SHANK1: variants seen among roughly 807,000 people sequenced by gnomAD.
The protein encoded by SHANK1 is SH3 and multiple ankyrin repeat domains protein 1.
In SHANK1, 35 loss-of-function variants were observed where a neutral mutation model predicts 165.6. The observed-to-expected ratio is 0.21, with a 90% confidence interval of 0.16 to 0.28. The LOEUF (loss-of-function observed/expected upper bound fraction) is 0.28. Ranked by LOEUF, SHANK1 falls within the 10% of genes least tolerant of loss-of-function variation. SHANK1 has a pLI of 1.00. For synonymous variants in SHANK1, 1,428 were observed against 1,384.8 expected, an observed-to-expected ratio of 1.03 and a Z score of -0.69; for missense variants, 2,681 against 3,036.4, an observed-to-expected ratio of 0.88 and a Z score of 2.75.
intron 8 of SHANK1, among the ~76,000 whole-genome samples, chr19:50,707,857 C>T (rs770329882): frequency 1.3e-5 from 2 of 150,570 alleles, no homozygotes; most frequent in East Asian, 2.0e-4. Flanking sequence ...TTAACTCCTG[C>T]CATGTGTACT....
At position 50,718,170 on chromosome 19, in the gene SHANK1, G is replaced by A. The variant is rs1379308925; in HGVS notation, c.-43-1208C>T. Among the ~76,000 whole-genome samples, 1 of 152,156 alleles carries A rather than the reference G, an allele frequency of 6.6e-6. No homozygotes were observed. Among genetic ancestry groups the A allele is most frequent in the African/African-American group, 2.4e-5 (1 of 41,428 alleles). ...GAAGACTAAATGTGTGTGGTGGGAG[G>A]AGAGTTCCAGGAGGTGTGGGCGAGC... On this transcript the variant is annotated intron_variant, in intron 1 of 23. Coordinates refer to ENST00000293441, the MANE Select transcript of SHANK1 (RefSeq NM_016148.5). This position sits in a 1 kb window ranked among gnomAD's most constrained non-coding sequence, Gnocchi z 5.1.
At chr19:50,706,915 T>A (rs1312067045) in intron 8 of SHANK1, among the ~76,000 whole-genome samples, 1 of 152,068 alleles carries the variant, frequency 6.6e-6, no homozygotes, top group Non-Finnish European at 1.5e-5. Context: ...GTAGCTGAGA[T>A]TACAGGCACC....
chr19:50,667,745 C>A lies in SHANK1; in HGVS notation c.4215G>T (p.Leu1405=). 4 of 1,325,282 alleles carry A rather than the reference C, an allele frequency of 3.0e-6. No individual in the cohort carries two copies. The South Asian group carries it at 6.3e-5, about 21-fold the overall frequency. 82.1% of individuals were successfully genotyped at this position (1,325,282 alleles called of 1,614,324 possible). A position where few individuals can be genotyped will look rare whatever the true frequency, so the allele number is the denominator to read the frequency against. ...HSPHAHHEPV[L]RLWGASPPDP... is the part of the protein sequence containing the mutation. Reference sequence around the variant, plus strand: ...CCGGCGGGGAGGCCCCCCAGAGACGCAGCACTGGCTCGTGGTGGGCGTGGG... The same window carrying A: ...CCGGCGGGGAGGCCCCCCAGAGACGAAGCACTGGCTCGTGGTGGGCGTGGG... The change falls in exon 23 of 24, where the codon CTG becomes CTT. Residue 1405 remains leucine, a synonymous_variant. Coordinates refer to ENST00000293441, the MANE Select transcript of SHANK1 (RefSeq NM_016148.5). The surrounding 1 kb of genome is among the most constrained non-coding windows in gnomAD (Gnocchi z 5.7).
rs760104389 is a variant in SHANK1, at chr19:50,666,761, G to A, written c.5199C>T (p.Asp1733=). 1.2e-5 allele frequency: 18 copies of A among 1,556,274 alleles called. No homozygotes were observed. Among genetic ancestry groups the A allele is most frequent in the Non-Finnish European group, 1.5e-5 (17 of 1,151,350 alleles). Residue 1733 remains aspartate, a synonymous_variant, in exon 23 of 24, where the codon GAC becomes GAT. Transcript: ENST00000293441. ...TACTGCTGCCCCCAAAGGCCTGGCCGTCCAGGTAGGCCACATAGGTGTCCA... is the reference window on the plus strand; with the variant it reads ...TACTGCTGCCCCCAAAGGCCTGGCCATCCAGGTAGGCCACATAGGTGTCCA... ...ELLDTYVAYL[D]GQAFGGSSTP...
chr19:50,689,324 A>G (rs757567882), intron 15 of SHANK1, 45 bp from the exon 16 acceptor site: 1 of 1,383,712 alleles, frequency 7.2e-7, no homozygotes, highest in African/African-American at 1.4e-5. Flanking sequence ...GGGGGAGTGG[A>G]GAAGACATCA....
chr19:50,662,298 G>T lies in SHANK1; in HGVS notation c.6153C>A (p.Ala2051=), dbSNP rs1448224915. ...CCGGGTGTGGCGGCACAAAGACTGG[G>T]GCGAAGGGGTCAGCCGAGCCTCCTG... ...GGAGGSADPF[A]PVFVPPHPGI... is the part of the protein sequence containing the mutation. The change falls in exon 24 of 24, where the codon GCC becomes GCA. Residue 2051 remains alanine (A), a synonymous_variant. Transcript: ENST00000293441. This position sits in a 1 kb window ranked among gnomAD's most constrained non-coding sequence, Gnocchi z 7.7. 1 of 1,611,344 alleles carries T rather than the reference G, an allele frequency of 6.2e-7. No homozygotes were observed. Among genetic ancestry groups the T allele is most frequent in the Non-Finnish European group, 8.5e-7 (1 of 1,178,430 alleles).
In SHANK1 at chr19:50,688,772, C is replaced by G. The variant is rs900461009; in HGVS notation, c.2172+72G>C. 12 of 1,508,108 alleles carry G rather than the reference C, an allele frequency of 8.0e-6. No homozygotes were observed. The highest frequency in any genetic ancestry group is 6.9e-5 in the African/African-American group (5 of 72,526). The allele number at this position is 1,508,108 out of a possible 1,614,324, so 93.4% of individuals were successfully genotyped here. A position where few individuals can be genotyped will look rare whatever the true frequency, so the allele number is the denominator to read the frequency against. On this transcript the variant is annotated intron_variant, in intron 17 of 23. Coordinates refer to ENST00000293441, the MANE Select transcript of SHANK1 (RefSeq NM_016148.5). The surrounding 1 kb of genome is among the most constrained non-coding windows in gnomAD (Gnocchi z 6.7). ...GGAGAATAAAACTGGGCAGCCAGATCCTGGTGTGAATCATGAGGGGGTCTG... is the reference window on the plus strand; with the variant it reads ...GGAGAATAAAACTGGGCAGCCAGATGCTGGTGTGAATCATGAGGGGGTCTG...
intron 21 of SHANK1, among the ~76,000 whole-genome samples, chr19:50,679,516 TCGCTCCCG>T (rs1482560152): frequency 6.6e-6 from 1 of 152,070 alleles, no homozygotes; most frequent in Non-Finnish European, 1.5e-5. Context: ...ACGGGAGCAT[TCGCTCCCG>T]CGCAGAAGGG....
At chr19:50,691,648 G>A (rs1986542551) in intron 15 of SHANK1, among the ~76,000 whole-genome samples, 1 of 152,112 alleles carries the variant, frequency 6.6e-6, no homozygotes, top group Non-Finnish European at 1.5e-5. Flanking sequence ...TCTGGGGCAG[G>A]GATAAGTACC....
chr19:50,668,497 T>C lies in SHANK1; in HGVS notation c.3463A>G (p.Ile1155Val). ...AAPSEKNSIP[I>V]PTIIIKAPST... is the part of the protein sequence containing the mutation. ...GGGGCCTTGATGATGATGGTGGGGA[T>C]GGGGATGGAGTTCTTCTCCGAGGGC... Residue 1155 changes from isoleucine (I) to valine (V), a missense_variant, in exon 23 of 24, where the codon ATC becomes GTC. Coordinates refer to ENST00000293441, the MANE Select transcript of SHANK1 (RefSeq NM_016148.5). 2 of 1,341,150 alleles carry C rather than the reference T, an allele frequency of 1.5e-6. No homozygotes were observed. The highest frequency in any genetic ancestry group is 2.9e-5 in the East Asian group (1 of 34,600). 83.1% of individuals were successfully genotyped at this position (1,341,150 alleles called of 1,614,324 possible).
In SHANK1 at chr19:50,716,823, G is replaced by A. The variant is rs1192965719; in HGVS notation, c.97C>T (p.Pro33Ser). Residue 33 changes from proline to serine, a missense_variant, in exon 2 of 24, where the codon CCA becomes TCA. Around this residue, in one of 10 missense-constraint regions of SHANK1, gnomAD observed 118 missense variants for 106.9 expected, o/e 1.10. Transcript: ENST00000293441. The surrounding 1 kb of genome is among the most constrained non-coding windows in gnomAD (Gnocchi z 8.4). ...GSESDSSPDG[P>S]GRGPRGTRGQ... is the part of the protein sequence containing the mutation. Reference sequence around the variant, plus strand: ...CGGGTCCCCCGGGGGCCTCGACCTGGCCCGTCTGGGGAGCTGTCGGACTCT... The same window carrying A: ...CGGGTCCCCCGGGGGCCTCGACCTGACCCGTCTGGGGAGCTGTCGGACTCT... 1 of 1,574,430 alleles carries A rather than the reference G, an allele frequency of 6.4e-7. No homozygotes were observed. Among genetic ancestry groups the A allele is most frequent in the East Asian group, 2.3e-5 (1 of 44,374 alleles).
In SHANK1 at chr19:50,668,713, G is replaced by C; in HGVS notation, c.3247C>G (p.Arg1083Gly). Residue 1083 changes from arginine to glycine, a missense_variant, in exon 23 of 24, where the codon CGC (arginine) becomes GGC (glycine). By Grantham distance (125) the Arg-to-Gly change is moderately radical. Transcript: ENST00000293441. ...GGGSSQGPALRYFQLPPRAAS... is the reference protein window; with the variant it reads ...GGGSSQGPALGYFQLPPRAAS... ...GCCCGCGGGGGCAGCTGGAAATAGC[G>C]TAGAGCCGGGCCCTGGGAGGAGCCG... 6.2e-6 allele frequency: 8 copies of C among 1,291,024 alleles called. No homozygotes were observed. In the South Asian group the frequency reaches 1.3e-4, roughly 21 times the overall value. 80.0% of individuals were successfully genotyped at this position (1,291,024 alleles called of 1,614,324 possible). A position where few individuals can be genotyped will look rare whatever the true frequency, so the allele number is the denominator to read the frequency against.
chr19:50,664,828 C>G (rs988393254), intron 23 of SHANK1, among the ~76,000 whole-genome samples: 1 of 152,174 alleles, frequency 6.6e-6, no homozygotes, highest in Non-Finnish European at 1.5e-5. Context: ...AATCTTGGCT[C>G]ACTGCAACCT....
Position 50,703,564 on chromosome 19 carries a change from C to T in SHANK1, c.1489G>A (p.Ala497Thr). The T allele has an allele frequency of 6.4e-7, 1 of 1,554,444 alleles. No homozygotes were observed. The highest frequency in any genetic ancestry group is 1.9e-5 in the Admixed American group (1 of 52,814). ...TGCCTCCCTCGGGATGGAGAGCGGG[C>T]CCTGGCACCCCGGGGGCTGCTGGCA... is the stretch of plus-strand genomic sequence containing the variant. Reference protein sequence around the residue: ...RSASSPRGARARSPSRGRHPE... With the variant: ...RSASSPRGARTRSPSRGRHPE... Residue 497 changes from alanine to threonine, a missense_variant, in exon 11 of 24, where the codon GCC becomes ACC. Around this residue, in one of 10 missense-constraint regions of SHANK1, gnomAD observed 195 missense variants for 186.2 expected, o/e 1.05. Transcript: ENST00000293441.
Position 50,718,344 on chromosome 19 carries a change from C to CTT in SHANK1, c.-44+1061_-44+1062insAA, listed in dbSNP as rs1235599728. Among the ~76,000 whole-genome samples the CTT allele has an allele frequency of 7.9e-5, 12 of 152,152 alleles. No individual in the cohort carries two copies. Among genetic ancestry groups the CTT allele is most frequent in the Non-Finnish European group, 1.2e-4 (8 of 68,004 alleles). On this transcript the variant is annotated intron_variant, in intron 1 of 23. Coordinates refer to ENST00000293441, the MANE Select transcript of SHANK1 (RefSeq NM_016148.5). This position sits in a 1 kb window ranked among gnomAD's most constrained non-coding sequence, Gnocchi z 5.1. ...CTCCCTGCCCCGCCGCACAGCCCAC[C>CTT]TCGCGATCTGGGGCCCGCAGACACT...
intron 15 of SHANK1, among the ~76,000 whole-genome samples, chr19:50,695,250 G>GGGGGGCGC (rs1426425333): frequency 1.3e-4 from 19 of 145,644 alleles, no homozygotes; most frequent in Admixed American, 1.0e-3. Context: ...CTCACATGCC[G>GGGGGGCGC]GGGGGCGCGG....
Position 50,666,816 on chromosome 19 carries a change from C to T in SHANK1, c.5144G>A (p.Gly1715Glu). Reference protein sequence around the residue: ...GGSAGGGGGAGAGVASGPELL... With the variant: ...GGSAGGGGGAEAGVASGPELL... ...CTCCGGCCCACTGGCCACACCGGCC[C>T]CAGCCCCGCCCCCACCCCCTGCGCT... Residue 1715 changes from glycine to glutamate, a missense_variant, in exon 23 of 24, where the codon GGG becomes GAG. Around this residue, in one of 10 missense-constraint regions of SHANK1, gnomAD observed 1,713 missense variants for 1,630.2 expected, o/e 1.05. Coordinates refer to ENST00000293441, the MANE Select transcript of SHANK1 (RefSeq NM_016148.5). 6.5e-7 allele frequency: 1 copy of T among 1,549,448 alleles called. No individual in the cohort carries two copies. Among genetic ancestry groups the T allele is most frequent in the South Asian group, 1.2e-5 (1 of 84,070 alleles).
intron 8 of SHANK1, among the ~76,000 whole-genome samples, chr19:50,710,555 C>A (rs2088995213): frequency 6.6e-6 from 1 of 152,214 alleles, no homozygotes; most frequent in South Asian, 2.1e-4. Flanking sequence ...GAGGTCATGA[C>A]ATTGAAAGAC....
intron 11 of SHANK1, among the ~76,000 whole-genome samples, chr19:50,703,138 C>A (rs1170001290): frequency 6.6e-6 from 1 of 151,998 alleles, no homozygotes; most frequent in Non-Finnish European, 1.5e-5. Context: ...CTCATCCTCC[C>A]TCCAGAGTGA....
Sources: allele counts gnomAD v4.1 joint callset (sites outside exome capture counted in the v4.1 genomes callset), GRCh38; gene constraint gnomAD v4.1.1; regional missense constraint gnomAD v4.1.1; non-coding constraint Gnocchi (gnomAD v3.1); transcripts MANE v1.5; gene names NCBI Gene and HGNC (gene_info 2026-07-23, HGNC 2026-07-21).